Variants in CLEC12B observed in about 807,000 individuals in gnomAD.
The protein encoded by CLEC12B is macrophage antigen h.
Under a neutral mutation model 36.1 loss-of-function variants are expected in CLEC12B, and 25 were observed. That is an observed-to-expected ratio of 0.69 (90% CI 0.50 to 0.97). The LOEUF (loss-of-function observed/expected upper bound fraction) is 0.97. Among genes scored for constraint, CLEC12B ranks in the 50% least tolerant of loss-of-function variants. The pLI is 0.00. For missense variants in CLEC12B, 325 were observed against 318.4 expected (o/e 1.02, Z -0.16); for synonymous variants, 110 against 108.5 (o/e 1.01, Z -0.09).
In CLEC12B at chr12:10,015,575, C is replaced by T. The variant is rs200349068; in HGVS notation, c.565-37C>T. On this transcript the variant is annotated intron_variant, in intron 4 of 5. Coordinates refer to ENST00000338896, the MANE Select transcript of CLEC12B (RefSeq NM_001129998.3). ...CTTAACTCTGCAAACTGGAATGTGG[C>T]GCTCACGTAAAACTTTTTCTCTGTT... is the stretch of plus-strand genomic sequence containing the variant. 1.7e-5 allele frequency: 27 copies of T among 1,611,868 alleles called. No homozygotes were observed. The South Asian group carries it at 1.9e-4, about 11-fold the overall frequency.
chr12:10,016,042 AATATT>A, intron 5 of CLEC12B: 1 of 960,582 alleles, frequency 1.0e-6, no homozygotes, highest in Non-Finnish European at 1.3e-6. Context: ...TATAGGTAGA[AATATT>A]ATAATAGAGA....
At chr12:10,012,630 C>T (rs1226296370) in intron 1 of CLEC12B, among the ~76,000 whole-genome samples, 155 bp from the exon 2 acceptor site, 2 of 152,098 alleles carry the variant, frequency 1.3e-5, no homozygotes, top group Non-Finnish European at 2.9e-5. Flanking sequence ...ACCCTCATTG[C>T]ACTTCATATT....
rs1190483084 is a variant in CLEC12B, at chr12:10,015,239, A to G, written c.410-13A>G. The G allele has an allele frequency of 1.9e-6, 3 of 1,604,926 alleles. No individual in the cohort carries two copies. Among genetic ancestry groups the G allele is most frequent in the Non-Finnish European group, 2.6e-6 (3 of 1,175,334 alleles). ...TCTTCAGTTTATATTATTGGGTATAATTTCCTTTTCAGACCACAGATGTAA... is the reference window on the plus strand; with the variant it reads ...TCTTCAGTTTATATTATTGGGTATAGTTTCCTTTTCAGACCACAGATGTAA... On this transcript the variant is annotated splice_polypyrimidine_tract_variant and intron_variant, in intron 3 of 5. Coordinates refer to ENST00000338896, the MANE Select transcript of CLEC12B (RefSeq NM_001129998.3).
At chr12:10,011,920 A>G (rs747936481) in intron 1 of CLEC12B, among the ~76,000 whole-genome samples, 6 of 152,208 alleles carry the variant, frequency 3.9e-5, no homozygotes, top group Non-Finnish European at 7.3e-5. Flanking sequence ...TGCATATCAC[A>G]GTGTACCTAG....
rs1409275323 is a variant in CLEC12B at position 10,018,363 on chromosome 12, G to A, written c.713G>A (p.Gly238Glu). The change falls in exon 6 of 6, where the codon GGA becomes GAA. Residue 238 changes from glycine (G) to glutamate (E), a missense_variant. By Grantham distance (98) the Gly-to-Glu change is moderately conservative. Transcript: ENST00000338896. Reference protein sequence around the residue: ...FSTKELDQINGSKGCAYFQKG... With the variant: ...FSTKELDQINESKGCAYFQKG... ...ACTAAAGAACTTGACCAGATCAATG[G>A]ATCCAAAGGATGTGCTTATTTTCAA... 1.4e-5 allele frequency: 21 copies of A among 1,520,246 alleles called. No homozygotes were observed. Among genetic ancestry groups the A allele is most frequent in the Non-Finnish European group, 1.9e-5 (21 of 1,121,010 alleles). The allele number at this position is 1,520,246 out of a possible 1,614,324, so 94.2% of individuals were successfully genotyped here.
upstream of CLEC12B, among the ~76,000 whole-genome samples, chr12:10,008,900 G>A (rs1192147479): frequency 6.6e-6 from 1 of 152,146 alleles, no homozygotes; most frequent in Non-Finnish European, 1.5e-5. Flanking sequence ...GTCATGAGAC[G>A]TGAGGCCAGC....
chr12:10,015,472 C>A, intron 4 of CLEC12B, 66 bp downstream of exon 4: 1 of 1,561,496 alleles, frequency 6.4e-7, no homozygotes, highest in South Asian at 1.2e-5. Context: ...ATAAATAAAA[C>A]ATCTGATTCA....
At chr12:10,007,597 T>G (rs995193435), upstream of CLEC12B, among the ~76,000 whole-genome samples, 1 of 152,138 alleles carries the variant, frequency 6.6e-6, no homozygotes, top group African/African-American at 2.4e-5. Context: ...CAGAAAGAAA[T>G]TTGAGAGTCT....
chr12:10,017,606 A>T (rs1380188461), intron 5 of CLEC12B: 1 of 985,724 alleles, frequency 1.0e-6, no homozygotes, highest in East Asian at 1.1e-4. Flanking sequence ...CAGATTGCAT[A>T]GCCATTTCCT....
At chr12:10,007,513 T>C (rs1865244763), upstream of CLEC12B, among the ~76,000 whole-genome samples, 1 of 152,214 alleles carries the variant, frequency 6.6e-6, no homozygotes, top group Non-Finnish European at 1.5e-5. Flanking sequence ...AACTTCTTTC[T>C]GAATTTCTTT....
rs555070393 is a variant in CLEC12B at position 10,014,570 on chromosome 12, C to A, written c.238C>A (p.Gln80Lys). 6.2e-7 allele frequency: 1 copy of A among 1,613,700 alleles called. No individual in the cohort carries two copies. Among genetic ancestry groups the A allele is most frequent in the African/African-American group, 1.3e-5 (1 of 75,024 alleles). The change falls in exon 3 of 6, where the codon CAA becomes AAA. Residue 80 changes from glutamine to lysine, a missense_variant. Gln to Lys is a moderately conservative substitution (Grantham distance 53, BLOSUM62 1). Transcript: ENST00000338896. ...DINSDSEKLSQLQKTIQQQQD... is the reference protein window; with the variant it reads ...DINSDSEKLSKLQKTIQQQQD... The stretch of plus-strand genomic sequence containing the variant: ...TAACTCAGATTCAGAGAAATTGAGT[C>A]AACTTCAGAAAACCATCCAACAGCA...
chr12:10,012,943 A>G, intron 2 of CLEC12B, 60 bp downstream of exon 2: 1 of 1,256,432 alleles, frequency 8.0e-7, no homozygotes, highest in Non-Finnish European at 1.2e-6. Flanking sequence ...TAAACCATGT[A>G]CTTTCAGCTT....
intron 2 of CLEC12B, 71 bp from the exon 3 acceptor site, chr12:10,014,452 C>G: frequency 9.2e-7 from 1 of 1,091,262 alleles, no homozygotes; most frequent in Non-Finnish European, 1.4e-6. Flanking sequence ...AGAAATGTTT[C>G]TGTCACGAGA....
chr12:10,018,355 G>GC lies in CLEC12B; in HGVS notation c.705_706insC (p.Ile236HisfsTer21). On this transcript the variant is annotated frameshift_variant, in exon 6 of 6. Coordinates refer to ENST00000338896, the MANE Select transcript of CLEC12B (RefSeq NM_001129998.3). LOFTEE classifies it high-confidence loss of function. ...GATTTAGTACTAAAGAACTTGACCA[G>GC]ATCAATGGATCCAAAGGATGTGCTT... 6.6e-7 allele frequency: 1 copy of GC among 1,509,516 alleles called. No individual in the cohort carries two copies. Among genetic ancestry groups the GC allele is most frequent in the Non-Finnish European group, 9.0e-7 (1 of 1,112,204 alleles). 93.5% of individuals were successfully genotyped at this position (1,509,516 alleles called of 1,614,324 possible). A position where few individuals can be genotyped will look rare whatever the true frequency, so the allele number is the denominator to read the frequency against.
chr12:10,017,090 A>C (rs1216344883), intron 5 of CLEC12B: 3 of 985,088 alleles, frequency 3.0e-6, no homozygotes, highest in Admixed American at 1.2e-4. Context: ...TAGGTCTATT[A>C]TTTTCTCCCT....
chr12:10,014,996 G>A (rs1865443857), intron 3 of CLEC12B, among the ~76,000 whole-genome samples: 1 of 152,128 alleles, frequency 6.6e-6, no homozygotes, highest in Admixed American at 6.5e-5. Context: ...ACTATTTCTA[G>A]GTGATCATGT....
rs1169403088 is a variant in CLEC12B at position 10,014,621 on chromosome 12, G to T, written c.289G>T (p.Gly97Cys). Residue 97 changes from glycine (G) to cysteine (C), a missense_variant, in exon 3 of 6, where the codon GGC becomes TGC. Gly to Cys is a radical substitution (Grantham distance 159). Coordinates refer to ENST00000338896, the MANE Select transcript of CLEC12B (RefSeq NM_001129998.3). ...QQQDNLSQQL[G>C]NSNNLSMEEE... ...GCAGGATAACTTATCCCAGCAACTGGGCAACTCCAACAACTTGTCCATGGA... is the reference window on the plus strand; with the variant it reads ...GCAGGATAACTTATCCCAGCAACTGTGCAACTCCAACAACTTGTCCATGGA... 1 of 1,613,746 alleles carries T rather than the reference G, an allele frequency of 6.2e-7. No homozygotes were observed. The highest frequency in any genetic ancestry group is 1.1e-5 in the South Asian group (1 of 91,076).
rs1037033610 is a variant in CLEC12B, at chr12:10,015,868, A to G, written c.680+141A>G. 29 of 1,485,394 alleles carry G rather than the reference A, an allele frequency of 2.0e-5. No individual in the cohort carries two copies. In the African/African-American group the frequency reaches 3.7e-4, roughly 19 times the overall value. The allele number at this position is 1,485,394 out of a possible 1,614,324, so 92.0% of individuals were successfully genotyped here. ...AAAAGAGCTCCAGTAACAAATATTG[A>G]AAGGAGGTATAGTTCATTTCATCTC... is the stretch of plus-strand genomic sequence containing the variant. On this transcript the variant is annotated intron_variant, in intron 5 of 5. Coordinates refer to ENST00000338896, the MANE Select transcript of CLEC12B (RefSeq NM_001129998.3).
intron 5 of CLEC12B, chr12:10,017,843 A>C: frequency 1.0e-6 from 1 of 969,586 alleles, no homozygotes; most frequent in Non-Finnish European, 1.2e-6. Context: ...ATAGTCAATC[A>C]TTTCCTCTTT....
Sources: gnomAD v4.1 joint callset for allele counts (sites outside exome capture counted in the v4.1 genomes callset) on GRCh38, gnomAD v4.1.1 for gene constraint, MANE v1.5 for transcripts, NCBI Gene and HGNC (gene_info 2026-07-23, HGNC 2026-07-21) for gene names.